The following RAD54L2 variants were observed in gnomAD, a reference collection of about 807,000 sequenced individuals.
The protein encoded by RAD54L2 is RAD54 like 2.
In RAD54L2, 27 loss-of-function variants were observed where a neutral mutation model predicts 138.4. That is an observed-to-expected ratio of 0.20 (90% confidence interval 0.14 to 0.27). The LOEUF (loss-of-function observed/expected upper bound fraction) is 0.27. Ranked by LOEUF, RAD54L2 falls within the 10% of genes least tolerant of loss-of-function variation. The pLI is 1.00. For synonymous variants in RAD54L2, 644 were observed against 723.2 expected (o/e 0.89, Z 1.76); for missense variants, 1,396 against 1,890.2 (o/e 0.74, Z 4.85).
intron 10 of RAD54L2, among the ~76,000 whole-genome samples, chr3:51,636,911 C>T (rs140175841): frequency 2.0e-4 from 30 of 151,876 alleles, no homozygotes; most frequent in African/African-American, 6.0e-4. Flanking sequence ...CCAGCCTGGA[C>T]GACAGTGTGA....
At chr3:51,582,696 G>A (rs1424912401) in intron 2 of RAD54L2, among the ~76,000 whole-genome samples, 4 of 151,586 alleles carry the variant, frequency 2.6e-5, no homozygotes, top group South Asian at 2.1e-4. Context: ...TACTCAAGGC[G>A]TCTGGGAATA....
intron 3 of RAD54L2, 102 bp downstream of exon 3, chr3:51,590,661 C>G: frequency 1.4e-6 from 2 of 1,473,292 alleles, no homozygotes; most frequent in African/African-American, 1.4e-5. Context: ...CTTAGGCCAT[C>G]CATAGTGGGA....
chr3:51,659,147 C>G (rs1352175121), intron 21 of RAD54L2, among the ~76,000 whole-genome samples: 1 of 144,762 alleles, frequency 6.9e-6, no homozygotes, highest in Non-Finnish European at 1.5e-5. Flanking sequence ...GCTCTGTTGC[C>G]CAGGCTGGAG....
intron 20 of RAD54L2, 70 bp downstream of exon 20, chr3:51,656,240 T>C: frequency 1.5e-6 from 2 of 1,365,870 alleles, no homozygotes; most frequent in South Asian, 1.5e-5. Context: ...TTAGGAAGTA[T>C]CTATTAAACA....
chr3:51,544,753 C>T (rs1411861978), intron 2 of RAD54L2, among the ~76,000 whole-genome samples: 7 of 152,110 alleles, frequency 4.6e-5, no homozygotes, highest in Non-Finnish European at 8.8e-5. Context: ...ACTATAGGTG[C>T]GCCACCATGC....
rs1391884347 is a variant in RAD54L2 at position 51,662,908 on chromosome 3, C to G, written c.3892C>G (p.Pro1298Ala). Residue 1298 changes from proline (P) to alanine (A), a missense_variant, in exon 23 of 23, where the codon CCC becomes GCC. By Grantham distance (27) the Pro-to-Ala change is conservative (BLOSUM62 -1). This residue lies in a region of RAD54L2 where 634 missense variants were observed against 711.2 expected (regional missense o/e 0.89). Transcript: ENST00000684192. This position sits in a 1 kb window ranked among gnomAD's most constrained non-coding sequence, Gnocchi z 4.6. ...YPVSGGFAMP[P>A]VSLNHNLTTP... ...AGTCTCTGGCGGGTTTGCCATGCCA[C>G]CCGTCTCCTTAAACCATAACCTCAC... The G allele has an allele frequency of 3.1e-6, 5 of 1,613,710 alleles. No individual in the cohort carries two copies. Among genetic ancestry groups the G allele is most frequent in the Non-Finnish European group, 4.2e-6 (5 of 1,179,872 alleles).
intron 3 of RAD54L2, among the ~76,000 whole-genome samples, chr3:51,615,915 C>T (rs1577427645): frequency 6.6e-6 from 1 of 151,974 alleles, no homozygotes; most frequent in East Asian, 1.9e-4. Context: ...TTTTATTAAT[C>T]TGCTTTTTGT....
At chr3:51,581,172 A>T (rs534277512) in intron 2 of RAD54L2, among the ~76,000 whole-genome samples, 1 of 152,310 alleles carries the variant, frequency 6.6e-6, no homozygotes, top group African/African-American at 2.4e-5. Flanking sequence ...GTCTGGACCC[A>T]CTGCAACCTC....
At chr3:51,616,392 C>T (rs1466667537) in intron 3 of RAD54L2, among the ~76,000 whole-genome samples, 1 of 152,110 alleles carries the variant, frequency 6.6e-6, no homozygotes, top group Non-Finnish European at 1.5e-5. Flanking sequence ...GTATTTCCTT[C>T]TAAGCATAAC....
At chr3:51,594,930 T>C (rs1335112717) in intron 3 of RAD54L2, among the ~76,000 whole-genome samples, 19 of 125,162 alleles carry the variant, frequency 1.5e-4, no homozygotes, top group African/African-American at 4.3e-4. Context: ...GGTGGCACAA[T>C]CTTGGCTCAC....
At chr3:51,590,664 T>C (rs1185042649) in intron 3 of RAD54L2, 105 bp downstream of exon 3, 5 of 1,460,022 alleles carry the variant, frequency 3.4e-6, no homozygotes, top group African/African-American at 1.4e-5. Flanking sequence ...AGGCCATCCA[T>C]AGTGGGAAGA....
At chr3:51,624,170 T>A (rs1700627499) in intron 3 of RAD54L2, among the ~76,000 whole-genome samples, 1 of 151,842 alleles carries the variant, frequency 6.6e-6, no homozygotes, top group Admixed American at 6.6e-5. Context: ...TTGTTTGTTT[T>A]TTAAATATAG....
chr3:51,641,942 C>T, intron 15 of RAD54L2, 75 bp downstream of exon 15: 3 of 1,041,714 alleles, frequency 2.9e-6, no homozygotes, highest in Non-Finnish European at 2.9e-6. Flanking sequence ...CTCTCTCTTT[C>T]TCTTTCTCCA....
chr3:51,611,091 C>G (rs1046636480), intron 3 of RAD54L2, among the ~76,000 whole-genome samples: 6 of 151,888 alleles, frequency 4.0e-5, no homozygotes, highest in African/African-American at 1.5e-4. Flanking sequence ...CTAGCCCATT[C>G]CTTTAACAGA....
chr3:51,605,900 A>C (rs958483299), intron 3 of RAD54L2, among the ~76,000 whole-genome samples: 2 of 152,240 alleles, frequency 1.3e-5, no homozygotes, highest in Non-Finnish European at 2.9e-5. Flanking sequence ...ACTGGAATGA[A>C]GAGAAAGGAA....
chr3:51,649,954 A>T (rs562364171), intron 19 of RAD54L2, among the ~76,000 whole-genome samples: 1 of 152,336 alleles, frequency 6.6e-6, no homozygotes, highest in Non-Finnish European at 1.5e-5. Context: ...TTAAATGTAA[A>T]TGGGCTAAAT....
chr3:51,634,977 T>G (rs1294895842), intron 9 of RAD54L2, among the ~76,000 whole-genome samples: 1 of 152,150 alleles, frequency 6.6e-6, no homozygotes, highest in Non-Finnish European at 1.5e-5. Context: ...TTTCAGAGGG[T>G]GCCTTTTGTG....
Position 51,656,015 on chromosome 3 carries a change from G to A in RAD54L2, c.3071G>A (p.Arg1024His), listed in dbSNP as rs375539054. 3.2e-5 allele frequency: 52 copies of A among 1,613,680 alleles called. No individual in the cohort carries two copies. The highest frequency in any genetic ancestry group is 1.2e-4 in the African/African-American group (9 of 74,922). ...GATGAAAAGCCTGTGGCCAGTGTTC[G>A]TCCTGTGCAGTCCACCCCCATCCCC... The part of the protein sequence containing the change: ...KGDEKPVASV[R>H]PVQSTPIPMM... The change falls in exon 20 of 23, where the codon CGT (arginine) becomes CAT (histidine). Residue 1024 changes from arginine to histidine, a missense_variant. By Grantham distance (29) the Arg-to-His change is conservative (BLOSUM62 0). This residue lies in a region of RAD54L2 where 634 missense variants were observed against 711.2 expected (regional missense o/e 0.89). Transcript: ENST00000684192.
chr3:51,604,216 G>T (rs555060594), intron 3 of RAD54L2, among the ~76,000 whole-genome samples: 98 of 152,258 alleles, frequency 6.4e-4, no homozygotes, highest in Middle Eastern at 3.4e-3. Flanking sequence ...GGAAGATTGT[G>T]GGGGAGGTAC....
Sources: allele counts gnomAD v4.1 joint callset (sites outside exome capture counted in the v4.1 genomes callset), GRCh38; gene constraint gnomAD v4.1.1; regional missense constraint gnomAD v4.1.1; non-coding constraint Gnocchi (gnomAD v3.1); transcripts MANE v1.5; gene names NCBI Gene and HGNC (gene_info 2026-07-23, HGNC 2026-07-21).